Variants in CSMD3 observed in about 807,000 individuals in gnomAD.
CSMD3 encodes the protein CUB and sushi domain-containing protein 3.
CSMD3 carries 177 observed loss-of-function variants against 435.2 expected under a neutral mutation model. That is an observed-to-expected ratio of 0.41 (90% confidence interval 0.36 to 0.46). The LOEUF (loss-of-function observed/expected upper bound fraction) is 0.46. Among genes scored for constraint, CSMD3 ranks in the 20% least tolerant of loss-of-function variants. The pLI, the probability that CSMD3 is intolerant of heterozygous loss-of-function variation, is 0.34. For synonymous variants in CSMD3, 1,656 were observed against 1,520.5 expected (o/e 1.09, Z -2.07); for missense variants, 4,265 against 4,504.6 (o/e 0.95, Z 1.52).
chr8:113,340,475 G>A (rs2094110843), intron 1 of CSMD3, among the ~76,000 whole-genome samples: 1 of 152,010 alleles, frequency 6.6e-6, no homozygotes, highest in Admixed American at 6.6e-5. Context: ...CTTATATTGT[G>A]CCTGAAAAAT....
intron 7 of CSMD3, among the ~76,000 whole-genome samples, chr8:112,971,433 T>C (rs895984128): frequency 6.6e-6 from 1 of 152,190 alleles, no homozygotes; most frequent in Admixed American, 6.5e-5. Flanking sequence ...AAACTCAAAG[T>C]TGATAGTAAG....
intron 3 of CSMD3, among the ~76,000 whole-genome samples, chr8:113,184,939 C>A (rs1322034057): frequency 6.6e-6 from 1 of 151,996 alleles, no homozygotes; most frequent in Non-Finnish European, 1.5e-5. Flanking sequence ...TTTTTTCCAT[C>A]AATGTCCAAA....
intron 17 of CSMD3, among the ~76,000 whole-genome samples, chr8:112,661,474 C>G (rs917519684): frequency 1.4e-4 from 21 of 152,196 alleles, no homozygotes; most frequent in Middle Eastern, 3.4e-3. Flanking sequence ...TGTCAGAGTA[C>G]GGATGCCCTC....
intron 32 of CSMD3, among the ~76,000 whole-genome samples, chr8:112,461,805 A>G (rs890765492): frequency 1.3e-5 from 2 of 152,180 alleles, no homozygotes; most frequent in Non-Finnish European, 2.9e-5. Context: ...AGAATAATAA[A>G]AGATTCAGAA....
At chr8:113,121,590 T>A (rs780651995) in intron 4 of CSMD3, among the ~76,000 whole-genome samples, 2 of 152,078 alleles carry the variant, frequency 1.3e-5, no homozygotes, top group Non-Finnish European at 2.9e-5. Context: ...AAATACTACA[T>A]AATGGCTGAA....
At chr8:112,298,736 C>CA (rs909623183) in intron 53 of CSMD3, among the ~76,000 whole-genome samples, 2 of 151,884 alleles carry the variant, frequency 1.3e-5, no homozygotes, top group African/African-American at 4.8e-5. Context: ...TTCATTAAGA[C>CA]AAAAAATATT....
chr8:112,355,510 G>A (rs953966934), intron 38 of CSMD3, among the ~76,000 whole-genome samples: 1 of 152,062 alleles, frequency 6.6e-6, no homozygotes, highest in Non-Finnish European at 1.5e-5. Flanking sequence ...AGGAACTTAA[G>A]TCAACAAGCA....
chr8:113,179,803 T>A (rs112062106), intron 3 of CSMD3, among the ~76,000 whole-genome samples: 2 of 151,574 alleles, frequency 1.3e-5, no homozygotes, highest in Admixed American at 1.3e-4. Context: ...GAAATAAAAC[T>A]CTACCAAGAA....
chr8:112,594,486 C>G (rs1466218568), intron 22 of CSMD3, among the ~76,000 whole-genome samples: 1 of 152,200 alleles, frequency 6.6e-6, no homozygotes, highest in Non-Finnish European at 1.5e-5. Context: ...AACAAAGCAG[C>G]CTGGAAGCTC....
intron 20 of CSMD3, among the ~76,000 whole-genome samples, chr8:112,639,995 T>C (rs538159419): frequency 1.1e-4 from 17 of 152,270 alleles, no homozygotes; most frequent in African/African-American, 4.1e-4. Flanking sequence ...CTTTAACAAA[T>C]ACTGTTTTAC....
At chr8:112,934,898 A>T (rs111852199) in intron 9 of CSMD3, among the ~76,000 whole-genome samples, 5,133 of 152,068 alleles carry the variant, frequency 0.034, 148 homozygotes, top group Middle Eastern at 0.051. Context: ...TTTCTGTGCA[A>T]AAGTTTTTAT....
At chr8:112,752,572 T>C in intron 13 of CSMD3, among the ~76,000 whole-genome samples, 1 of 151,792 alleles carries the variant, frequency 6.6e-6, no homozygotes, top group East Asian at 1.9e-4. Flanking sequence ...AAGTGAGGAG[T>C]CATTAGATAC....
chr8:112,737,759 A>C, intron 13 of CSMD3, among the ~76,000 whole-genome samples: 1 of 151,894 alleles, frequency 6.6e-6, no homozygotes, highest in East Asian at 1.9e-4. Flanking sequence ...CTGATTTCTT[A>C]GGACTGATGC....
At chr8:112,875,807 A>G (rs1043305720) in intron 10 of CSMD3, among the ~76,000 whole-genome samples, 1 of 152,080 alleles carries the variant, frequency 6.6e-6, no homozygotes, top group East Asian at 1.9e-4. Context: ...TATTCTAGTT[A>G]GCAATTCCTC....
At chr8:113,146,282 T>TG (rs1276387321) in intron 4 of CSMD3, among the ~76,000 whole-genome samples, 2 of 151,422 alleles carry the variant, frequency 1.3e-5, no homozygotes, top group African/African-American at 4.8e-5. Context: ...ACATGCTTCA[T>TG]GGGGGGTAGG....
intron 32 of CSMD3, among the ~76,000 whole-genome samples, chr8:112,446,979 G>T (rs931112153): frequency 6.6e-6 from 1 of 152,046 alleles, no homozygotes; most frequent in East Asian, 1.9e-4. Context: ...GATTGAGGTT[G>T]TTGTTCATAG....
In CSMD3 at chr8:113,160,744, A is replaced by T. The variant is rs1047564747; in HGVS notation, c.709+12978T>A. Among the ~76,000 whole-genome samples, 6 of 152,090 alleles carry T rather than the reference A, an allele frequency of 3.9e-5. No homozygotes were observed. The East Asian group carries it at 1.2e-3, about 29-fold the overall frequency. On this transcript the variant is annotated intron_variant, in intron 4 of 70. Coordinates refer to ENST00000297405, the MANE Select transcript of CSMD3 (RefSeq NM_198123.2). ...AATAACTGAACTGTTCCCTTTGGGG[A>T]TTATTTGATATTGCTTAGGAAGCAA...
chr8:112,275,525 C>T (rs1360329943), intron 59 of CSMD3, among the ~76,000 whole-genome samples: 1 of 151,924 alleles, frequency 6.6e-6, no homozygotes, highest in Non-Finnish European at 1.5e-5. Context: ...CCAGCCTGGG[C>T]AACAAGAGCG....
At chr8:112,748,455 G>GTACCCAAT (rs1033178799) in intron 13 of CSMD3, among the ~76,000 whole-genome samples, 1 of 152,090 alleles carries the variant, frequency 6.6e-6, no homozygotes, top group African/African-American at 2.4e-5. Context: ...ATTAAGCTCA[G>GTACCCAAT]TACCCAATAG....
Sources: allele counts gnomAD v4.1 joint callset (sites outside exome capture counted in the v4.1 genomes callset), GRCh38; gene constraint gnomAD v4.1.1; transcripts MANE v1.5; gene names NCBI Gene and HGNC (gene_info 2026-07-23, HGNC 2026-07-21).